Variants in GULP1 observed in about 807,000 individuals in gnomAD.
GULP1 encodes GULP PTB domain containing engulfment adaptor 1.
A neutral mutation model predicts 40.9 loss-of-function variants in GULP1; 19 were observed. That is an observed-to-expected ratio of 0.46 (90% CI 0.32 to 0.68). GULP1 has a LOEUF of 0.68. GULP1 is among the 30% of genes least tolerant of loss of function. The pLI is 0.03. For missense variants in GULP1, 312 were observed against 362.2 expected (o/e 0.86, Z 1.12); for synonymous variants, 119 against 117.6 (o/e 1.01, Z -0.08).
intron 1 of GULP1, among the ~76,000 whole-genome samples, chr2:188,318,595 A>G (rs1439074683): frequency 6.6e-6 from 1 of 152,142 alleles, no homozygotes; most frequent in Non-Finnish European, 1.5e-5. Context: ...GCTTTCCATA[A>G]GACATGCCCA....
At position 188,305,010 on chromosome 2, in the gene GULP1, A is replaced by G. The variant is rs531314462; in HGVS notation, c.-172+12844A>G. On this transcript the variant is annotated intron_variant, in intron 1 of 11. Transcript: ENST00000409830. ...GTCAGATCTCACAGGTTGAGGGCTC[A>G]TTCCCCAAGACTGCCCCTCATGCCC... Among the ~76,000 whole-genome samples the G allele has an allele frequency of 8.8e-4, 134 of 152,134 alleles. 1 individual carries two copies. The highest frequency in any genetic ancestry group is 7.6e-3 in the Admixed American group (116 of 15,274).
intron 4 of GULP1, among the ~76,000 whole-genome samples, chr2:188,507,020 C>T (rs1575663836): frequency 6.6e-6 from 1 of 151,996 alleles, no homozygotes; most frequent in East Asian, 1.9e-4. Context: ...TTTTCTCTCC[C>T]TGCATTTGCC....
chr2:188,540,803 G>A (rs2153319124), intron 6 of GULP1, among the ~76,000 whole-genome samples: 1 of 152,232 alleles, frequency 6.6e-6, no homozygotes, highest in African/African-American at 2.4e-5. Flanking sequence ...AAGAGTTCTG[G>A]TAATTCTGTA....
At chr2:188,525,306 A>T (rs910305995) in intron 5 of GULP1, among the ~76,000 whole-genome samples, 1 of 152,006 alleles carries the variant, frequency 6.6e-6, no homozygotes, top group Non-Finnish European at 1.5e-5. Context: ...CAGGAGAATC[A>T]CTTGAACCTG....
chr2:188,435,048 G>C (rs2057279309), intron 2 of GULP1, among the ~76,000 whole-genome samples: 1 of 152,050 alleles, frequency 6.6e-6, no homozygotes, highest in South Asian at 2.1e-4. Flanking sequence ...CTCAATTCTG[G>C]TGGTTTTAAT....
chr2:188,497,338 C>T (rs1247928177), intron 4 of GULP1, among the ~76,000 whole-genome samples: 3 of 151,908 alleles, frequency 2.0e-5, no homozygotes, highest in Admixed American at 2.0e-4. Context: ...TGCAGACATG[C>T]ATAACATTAT....
chr2:188,527,718 T>C (rs1303748825), intron 5 of GULP1, among the ~76,000 whole-genome samples: 1 of 152,104 alleles, frequency 6.6e-6, no homozygotes, highest in Non-Finnish European at 1.5e-5. Flanking sequence ...AAACAAATGG[T>C]ACCCCCTGGG....
At chr2:188,542,682 A>G (rs1690854553) in intron 7 of GULP1, among the ~76,000 whole-genome samples, 1 of 152,140 alleles carries the variant, frequency 6.6e-6, no homozygotes, top group Non-Finnish European at 1.5e-5. Context: ...AAGACATTTT[A>G]TATAGCTCAA....
chr2:188,482,593 T>A (rs1021870550), intron 3 of GULP1, among the ~76,000 whole-genome samples: 3 of 151,814 alleles, frequency 2.0e-5, no homozygotes, highest in African/African-American at 4.8e-5. Flanking sequence ...CATGTAAATG[T>A]TAACATTTTT....
At chr2:188,409,436 A>C (rs942807452) in intron 2 of GULP1, among the ~76,000 whole-genome samples, 1 of 152,148 alleles carries the variant, frequency 6.6e-6, no homozygotes, top group African/African-American at 2.4e-5. Flanking sequence ...CAGACCAATA[A>C]TGAATAATGA....
chr2:188,555,572 T>A (rs1349269209), intron 7 of GULP1, among the ~76,000 whole-genome samples: 1 of 152,206 alleles, frequency 6.6e-6, no homozygotes, highest in Admixed American at 6.5e-5. Flanking sequence ...TGCTGAGAAA[T>A]TCATTGTTAG....
intron 2 of GULP1, among the ~76,000 whole-genome samples, chr2:188,399,251 A>G (rs1479179721): frequency 6.6e-6 from 1 of 152,210 alleles, no homozygotes; most frequent in African/African-American, 2.4e-5. Context: ...TGTTCTAGGC[A>G]TCTAGAGATC....
intron 1 of GULP1, among the ~76,000 whole-genome samples, chr2:188,312,286 ATCC>A (rs1326743368): frequency 7.9e-5 from 12 of 152,006 alleles, no homozygotes; most frequent in African/African-American, 2.9e-4. Context: ...CTATTGACCT[ATCC>A]TCTAAGTTCC....
At chr2:188,469,390 T>A (rs2060399409) in intron 2 of GULP1, among the ~76,000 whole-genome samples, 1 of 152,180 alleles carries the variant, frequency 6.6e-6, no homozygotes, top group Non-Finnish European at 1.5e-5. Context: ...CACAAGTGCA[T>A]TAGTCCATTC....
At chr2:188,343,540 G>A (rs964407496) in intron 1 of GULP1, among the ~76,000 whole-genome samples, 5 of 152,066 alleles carry the variant, frequency 3.3e-5, no homozygotes, top group Admixed American at 6.5e-5. Flanking sequence ...ACAAAAAGAC[G>A]CATATCTACT....
intron 2 of GULP1, among the ~76,000 whole-genome samples, chr2:188,471,933 C>T (rs1219897483): frequency 1.3e-5 from 2 of 152,172 alleles, no homozygotes; most frequent in African/African-American, 4.8e-5. Flanking sequence ...CTTGCTTTAG[C>T]ATCTATTCTA....
intron 1 of GULP1, among the ~76,000 whole-genome samples, chr2:188,364,603 T>C (rs188633332): frequency 8.3e-4 from 126 of 152,114 alleles, no homozygotes; most frequent in African/African-American, 2.9e-3. Context: ...AACCTATGGT[T>C]TGCGGTTTTT....
At chr2:188,514,387 C>T (rs1224985078) in intron 4 of GULP1, among the ~76,000 whole-genome samples, 1 of 151,954 alleles carries the variant, frequency 6.6e-6, no homozygotes, top group Non-Finnish European at 1.5e-5. Context: ...GTTATATGTC[C>T]TTCAGCTTAA....
At chr2:188,531,422 C>T (rs1246193622) in intron 6 of GULP1, among the ~76,000 whole-genome samples, 1 of 152,176 alleles carries the variant, frequency 6.6e-6, no homozygotes. Context: ...AGATCAATGG[C>T]ATACCTTCAA....
Sources: allele counts gnomAD v4.1 joint callset (sites outside exome capture counted in the v4.1 genomes callset), GRCh38; gene constraint gnomAD v4.1.1; transcripts MANE v1.5; gene names NCBI Gene and HGNC (gene_info 2026-07-23, HGNC 2026-07-21).